The following SLC22A23 variants were observed in gnomAD, a reference collection of about 807,000 sequenced individuals.
The protein encoded by SLC22A23 is ion transporter protein.
Under a neutral mutation model 61.0 loss-of-function variants are expected in SLC22A23, and 26 were observed. The ratio of observed to expected loss-of-function variants is 0.43; its 90% CI spans 0.31 to 0.59. The LOEUF is 0.59. SLC22A23 is among the 20% of genes least tolerant of loss of function. The pLI, the probability that SLC22A23 is intolerant of heterozygous loss-of-function variation, is 0.11. For synonymous variants in SLC22A23, 430 were observed against 413.9 expected, an observed-to-expected ratio of 1.04 and a Z score of -0.47; for missense variants, 796 against 934.7, an observed-to-expected ratio of 0.85 and a Z score of 1.94.
intron 4 of SLC22A23, among the ~76,000 whole-genome samples, chr6:3,301,732 A>T (rs563568459): frequency 1.3e-5 from 2 of 152,356 alleles, no homozygotes; most frequent in South Asian, 4.1e-4. Context: ...AGCTTCCACA[A>T]GAGGACATAA....
intron 1 of SLC22A23, among the ~76,000 whole-genome samples, chr6:3,447,895 CTCTTTTTTTT>C (rs1482139742): frequency 2.2e-4 from 17 of 78,130 alleles, no homozygotes; most frequent in Non-Finnish European, 3.2e-4. Context: ...GCCTCTCTCT[CTCTTTTTTTT>C]TTTTTTTTTT....
chr6:3,403,453 A>G (rs1004337454), intron 3 of SLC22A23, among the ~76,000 whole-genome samples: 4 of 152,172 alleles, frequency 2.6e-5, no homozygotes, highest in African/African-American at 9.7e-5. Flanking sequence ...AGCAGGGGCC[A>G]GCAAGGGCAA....
rs1454275805 is a variant in SLC22A23, at chr6:3,272,922, T to C, written c.*133A>G. The C allele has an allele frequency of 1.3e-6, 1 of 783,278 alleles. No homozygotes were observed. The highest frequency in any genetic ancestry group is 2.0e-6 in the Non-Finnish European group (1 of 501,286). 48.5% of individuals were successfully genotyped at this position (783,278 alleles called of 1,614,324 possible). ...CCTTGGACTTTTGGAAAGACAGGAT[T>C]TCCCCACACCAGTTGAGAGGCTCAG... On this transcript the variant is annotated 3_prime_UTR_variant, in exon 10 of 10. Coordinates refer to ENST00000406686, the MANE Select transcript of SLC22A23 (RefSeq NM_015482.2).
rs904445260 is a variant in SLC22A23, at chr6:3,286,647, CGGGGCA to C, written c.1546+206_1546+211del. Among the ~76,000 whole-genome samples, 3 of 152,304 alleles carry C rather than the reference CGGGGCA, an allele frequency of 2.0e-5. No individual in the cohort carries two copies. Among genetic ancestry groups the C allele is most frequent in the East Asian group, 3.9e-4 (2 of 5,188 alleles). The stretch of plus-strand genomic sequence containing the variant: ...GAAGGAATCATGGTGCAGCCCGGGC[CGGGGCA>C]GGGGCAGGGGGAGGCGGGAAGGCCC... On this transcript the variant is annotated intron_variant, in intron 7 of 9. Transcript: ENST00000406686. The surrounding 1 kb of genome is among the most constrained non-coding windows in gnomAD (Gnocchi z 4.2).
chr6:3,322,376 A>G lies in SLC22A23; in HGVS notation c.1082+1458T>C, dbSNP rs1443476193. Among the ~76,000 whole-genome samples, 3 of 152,216 alleles carry G rather than the reference A, an allele frequency of 2.0e-5. No individual in the cohort carries two copies. The highest frequency in any genetic ancestry group is 2.0e-4 in the Admixed American group (3 of 15,294). On this transcript the variant is annotated intron_variant, in intron 4 of 9. Transcript: ENST00000406686. This position sits in a 1 kb window ranked among gnomAD's most constrained non-coding sequence, Gnocchi z 4.1. ...AAGACTTCCTTAGGAGATAGAAGGA[A>G]GAGAGCTGCCCACTCCATCCTTCTC...
intron 3 of SLC22A23, among the ~76,000 whole-genome samples, chr6:3,359,150 C>A (rs1765288768): frequency 6.6e-6 from 1 of 152,162 alleles, no homozygotes; most frequent in Non-Finnish European, 1.5e-5. Context: ...AATCACAGAT[C>A]ATTTCAACTA....
intron 4 of SLC22A23, chr6:3,323,119 G>A (rs1010643714): frequency 5.6e-5 from 22 of 391,916 alleles, no homozygotes; most frequent in South Asian, 7.6e-5. Flanking sequence ...TGTTCCCCCC[G>A]TACTGCCGGC....
intron 3 of SLC22A23, among the ~76,000 whole-genome samples, chr6:3,376,389 C>T (rs1166075452): frequency 6.6e-6 from 1 of 152,122 alleles, no homozygotes; most frequent in Non-Finnish European, 1.5e-5. Context: ...GGTTATAGTC[C>T]CTACCGCCCC....
At chr6:3,442,155 G>A (rs1012751389) in intron 1 of SLC22A23, among the ~76,000 whole-genome samples, 7 of 152,158 alleles carry the variant, frequency 4.6e-5, no homozygotes, top group South Asian at 2.1e-4. Flanking sequence ...AAGACATCAC[G>A]CTGAGCGACA....
At chr6:3,289,890 G>A (rs867026172) in intron 5 of SLC22A23, 24 bp from the exon 6 acceptor site, 1 of 1,605,108 alleles carries the variant, frequency 6.2e-7, no homozygotes. Context: ...GACCCTGTGA[G>A]CCCTGGGCAG....
intron 3 of SLC22A23, among the ~76,000 whole-genome samples, chr6:3,389,104 C>T (rs373144130): frequency 1.5e-4 from 23 of 151,490 alleles, no homozygotes; most frequent in Non-Finnish European, 2.8e-4. Flanking sequence ...CCCATCTCTA[C>T]GAAAAATATA....
chr6:3,410,240 C>G lies in SLC22A23; in HGVS notation c.861G>C (p.Arg287Ser). 1 of 1,613,942 alleles carries G rather than the reference C, an allele frequency of 6.2e-7. No individual in the cohort carries two copies. ...SVNVTMFSTL[R>S]FFEGFCLAGI... The stretch of plus-strand genomic sequence containing the variant: ...CAGCCAGGCAAAATCCTTCAAAGAA[C>G]CTGAGTGTGCTGAACATTGTCACAT... The change falls in exon 3 of 10, where the codon AGG becomes AGC. Residue 287 changes from arginine to serine, a missense_variant. Arg to Ser is a moderately radical substitution (Grantham distance 110, BLOSUM62 -1). Coordinates refer to ENST00000406686, the MANE Select transcript of SLC22A23 (RefSeq NM_015482.2). This position sits in a 1 kb window ranked among gnomAD's most constrained non-coding sequence, Gnocchi z 5.0.
At chr6:3,274,911 A>C (rs1758756652) in intron 9 of SLC22A23, among the ~76,000 whole-genome samples, 1 of 152,214 alleles carries the variant, frequency 6.6e-6, no homozygotes, top group African/African-American at 2.4e-5. Context: ...ATTTTTCCCA[A>C]ATTGATCTAT....
rs1763549016 is a variant in SLC22A23, at chr6:3,330,959, C to T, written c.914-6957G>A. Among the ~76,000 whole-genome samples, 1 of 152,184 alleles carries T rather than the reference C, an allele frequency of 6.6e-6. No homozygotes were observed. The highest frequency in any genetic ancestry group is 1.5e-5 in the Non-Finnish European group (1 of 68,042). On this transcript the variant is annotated intron_variant, in intron 3 of 9. Transcript: ENST00000406686. The surrounding 1 kb of genome is among the most constrained non-coding windows in gnomAD (Gnocchi z 4.7). ...TACTGAATTAACTACCAATTGAATA[C>T]CTATCATGTCTGCACTACTAGGCGA...
At chr6:3,397,438 T>C (rs1561951197) in intron 3 of SLC22A23, among the ~76,000 whole-genome samples, 1 of 152,194 alleles carries the variant, frequency 6.6e-6, no homozygotes. Flanking sequence ...TCAGTAAGTG[T>C]TATCTCTGGC....
Position 3,272,260 on chromosome 6 carries a change from G to A in SLC22A23, c.*795C>T, listed in dbSNP as rs1011269745. On this transcript the variant is annotated 3_prime_UTR_variant, in exon 10 of 10. Coordinates refer to ENST00000406686, the MANE Select transcript of SLC22A23 (RefSeq NM_015482.2). Reference sequence around the variant, plus strand: ...CTTTTCTGCTGGAGCCAATCTGGGAGAGGAGGAATAAAAACGAGCACATCT... The same window carrying A: ...CTTTTCTGCTGGAGCCAATCTGGGAAAGGAGGAATAAAAACGAGCACATCT... The A allele has an allele frequency of 5.2e-5, 8 of 152,756 alleles. No homozygotes were observed. The highest frequency in any genetic ancestry group is 1.9e-4 in the African/African-American group (8 of 41,438). 9.5% of individuals were successfully genotyped at this position (152,756 alleles called of 1,614,324 possible).
chr6:3,377,890 C>G (rs766828750), intron 3 of SLC22A23: 6 of 152,282 alleles, frequency 3.9e-5, no homozygotes, highest in African/African-American at 1.4e-4. Flanking sequence ...GCCCCTTCCA[C>G]TGCCCAGCAG....
chr6:3,427,625 G>A lies in SLC22A23; in HGVS notation c.655-11770C>T, dbSNP rs570473651. Among the ~76,000 whole-genome samples the A allele has an allele frequency of 2.6e-5, 4 of 151,946 alleles. No homozygotes were observed. The highest frequency in any genetic ancestry group is 5.9e-5 in the Non-Finnish European group (4 of 67,984). On this transcript the variant is annotated intron_variant, in intron 1 of 9. Transcript: ENST00000406686. This position sits in a 1 kb window ranked among gnomAD's most constrained non-coding sequence, Gnocchi z 4.3. ...TCCTCCCACCACCTCTCAGGATGCC[G>A]TGCCCTTCACTTTGACCTCCTCAGC...
chr6:3,348,030 T>A (rs1173613836), intron 3 of SLC22A23, among the ~76,000 whole-genome samples: 1 of 152,240 alleles, frequency 6.6e-6, no homozygotes. Context: ...CTGGCTCTCT[T>A]ATCTCACTGC....
Sources: gnomAD v4.1 joint callset for allele counts (sites outside exome capture counted in the v4.1 genomes callset) on GRCh38, gnomAD v4.1.1 for gene constraint, Gnocchi (gnomAD v3.1) non-coding constraint, MANE v1.5 for transcripts, NCBI Gene and HGNC (gene_info 2026-07-23, HGNC 2026-07-21) for gene names.